Variants in RORA observed in about 807,000 individuals in gnomAD.
The protein encoded by RORA is nuclear receptor ROR-alpha.
RORA carries 7 observed loss-of-function variants against 69.5 expected under a neutral mutation model. The observed-to-expected ratio is 0.10, with a 90% CI of 0.06 to 0.19. The LOEUF is 0.19. RORA is among the 10% of genes least tolerant of loss of function. The probability of loss-of-function intolerance (pLI) is 1.00; values close to 1 mark genes in which losing one functional copy is unlikely to be tolerated. For synonymous variants in RORA, 261 were observed against 240.8 expected (o/e 1.08, Z -0.78); for missense variants, 457 against 663.0 (o/e 0.69, Z 3.41).
chr15:61,101,019 T>A (rs2078870868), intron 1 of RORA, among the ~76,000 whole-genome samples: 1 of 152,250 alleles, frequency 6.6e-6, no homozygotes, highest in South Asian at 2.1e-4. Flanking sequence ...AGATAGATAA[T>A]GTGCCTTAGC....
chr15:60,616,731 G>A (rs35778764), intron 2 of RORA, among the ~76,000 whole-genome samples: 21,501 of 152,180 alleles, frequency 0.14, 1,850 homozygotes, highest in African/African-American at 0.24. Flanking sequence ...AATCTTGTGC[G>A]TTGCACAAAT....
intron 1 of RORA, among the ~76,000 whole-genome samples, chr15:60,711,759 A>G (rs1284698539): frequency 6.6e-6 from 1 of 152,154 alleles, no homozygotes; most frequent in Non-Finnish European, 1.5e-5. Context: ...GGGGAAGATG[A>G]TTTAACCTTT....
intron 1 of RORA, among the ~76,000 whole-genome samples, chr15:60,702,432 G>T (rs1427904584): frequency 6.6e-6 from 1 of 151,810 alleles, no homozygotes; most frequent in Non-Finnish European, 1.5e-5. Flanking sequence ...GGGTTTTGCC[G>T]TGTTGGCCAG....
chr15:60,969,293 G>C (rs1241408669), intron 1 of RORA, among the ~76,000 whole-genome samples: 1 of 152,122 alleles, frequency 6.6e-6, no homozygotes, highest in Non-Finnish European at 1.5e-5. Flanking sequence ...AATTCATTAG[G>C]TAATAATCTG....
intron 1 of RORA, among the ~76,000 whole-genome samples, chr15:61,149,265 T>A (rs1035637660): frequency 1.3e-5 from 2 of 152,158 alleles, no homozygotes; most frequent in African/African-American, 4.8e-5. Flanking sequence ...GGAGTTCCCA[T>A]CAGAGAGTCT....
At chr15:60,972,050 A>G (rs558435683) in intron 1 of RORA, among the ~76,000 whole-genome samples, 1 of 152,242 alleles carries the variant, frequency 6.6e-6, no homozygotes, top group Non-Finnish European at 1.5e-5. Flanking sequence ...CTCTGCCTTC[A>G]TCTGTTGTAC....
At chr15:60,956,277 T>C (rs949085353) in intron 1 of RORA, among the ~76,000 whole-genome samples, 22 of 152,226 alleles carry the variant, frequency 1.4e-4, no homozygotes, top group Admixed American at 9.2e-4. Flanking sequence ...ATTTGTATAA[T>C]GCTTTATAGT....
At chr15:61,006,847 T>A (rs1210955341) in intron 1 of RORA, among the ~76,000 whole-genome samples, 6 of 152,140 alleles carry the variant, frequency 3.9e-5, no homozygotes, top group Admixed American at 3.9e-4. Context: ...CTTATTTCTA[T>A]CTCTATTACA....
chr15:60,561,943 T>A lies in RORA; in HGVS notation c.197-30092A>T, dbSNP rs569095515. On this transcript the variant is annotated intron_variant, in intron 2 of 10. Coordinates refer to ENST00000335670, the MANE Select transcript of RORA (RefSeq NM_134261.3). ...CTTATGGGTTTAACAAAAAAAAAAA[T>A]TTTTTTTCTTTTTTTTTGAGACGGA... is the stretch of plus-strand genomic sequence containing the variant. Among the ~76,000 whole-genome samples, 938 of 151,308 alleles carry A rather than the reference T, an allele frequency of 6.2e-3. 12 individuals carry two copies. The highest frequency in any genetic ancestry group is 0.03 in the South Asian group (142 of 4,748).
In RORA at chr15:60,511,125, T is replaced by A; in HGVS notation, c.820+101A>T. 1 of 1,297,912 alleles carries A rather than the reference T, an allele frequency of 7.7e-7. No individual in the cohort carries two copies. Among genetic ancestry groups the A allele is most frequent in the Non-Finnish European group, 1.1e-6 (1 of 941,252 alleles). 80.4% of individuals were successfully genotyped at this position (1,297,912 alleles called of 1,614,324 possible). ...AAGTGGCCCAAATGGTAAAGGTGAATTGCATCATTTAGCAGAACTCATTAG... is the reference window on the plus strand; with the variant it reads ...AAGTGGCCCAAATGGTAAAGGTGAAATGCATCATTTAGCAGAACTCATTAG... On this transcript the variant is annotated intron_variant, in intron 5 of 10. Coordinates refer to ENST00000335670, the MANE Select transcript of RORA (RefSeq NM_134261.3). The surrounding 1 kb of genome is among the most constrained non-coding windows in gnomAD (Gnocchi z 6.4).
chr15:60,668,180 T>A (rs186419445), intron 2 of RORA, among the ~76,000 whole-genome samples: 15 of 152,262 alleles, frequency 9.9e-5, no homozygotes, highest in African/African-American at 3.6e-4. Flanking sequence ...TCCACGTAGA[T>A]CAGTTCGATT....
At chr15:61,024,266 A>ATT (rs1895684980) in intron 1 of RORA, among the ~76,000 whole-genome samples, 3 of 109,780 alleles carry the variant, frequency 2.7e-5, no homozygotes, top group Non-Finnish European at 3.9e-5. Flanking sequence ...ACTTTCTTGG[A>ATT]TCTCTTTTTT....
intron 5 of RORA, among the ~76,000 whole-genome samples, chr15:60,505,937 A>G (rs2065486477): frequency 6.6e-6 from 1 of 152,250 alleles, no homozygotes; most frequent in Admixed American, 6.5e-5. Context: ...AGATAGACAT[A>G]GGAAATGATT....
intron 1 of RORA, among the ~76,000 whole-genome samples, chr15:61,086,297 T>C (rs993521053): frequency 6.6e-6 from 1 of 152,222 alleles, no homozygotes; most frequent in South Asian, 2.1e-4. Flanking sequence ...TGGGATTATG[T>C]CTGAGAAGGA....
At chr15:60,749,715 C>T (rs1002656977) in intron 1 of RORA, among the ~76,000 whole-genome samples, 2 of 152,074 alleles carry the variant, frequency 1.3e-5, no homozygotes, top group African/African-American at 4.8e-5. Context: ...ATCTAAATAA[C>T]AAAAACAATA....
At chr15:60,705,279 C>A (rs2071045620) in intron 1 of RORA, among the ~76,000 whole-genome samples, 1 of 152,126 alleles carries the variant, frequency 6.6e-6, no homozygotes, top group South Asian at 2.1e-4. Context: ...AATTTTTACA[C>A]AATGTGGAAA....
intron 1 of RORA, among the ~76,000 whole-genome samples, chr15:61,228,052 A>C (rs1360145833): frequency 7.1e-6 from 1 of 140,790 alleles, no homozygotes; most frequent in Non-Finnish European, 1.5e-5. Flanking sequence ...GACACAGACC[A>C]AACACCAAAA....
intron 1 of RORA, among the ~76,000 whole-genome samples, chr15:61,204,776 C>T (rs773420033): frequency 6.6e-5 from 10 of 152,166 alleles, no homozygotes; most frequent in South Asian, 2.1e-4. Flanking sequence ...AAAAAGTATG[C>T]GCAAGAGAGA....
At chr15:60,636,577 G>A (rs1426589038) in intron 2 of RORA, among the ~76,000 whole-genome samples, 1 of 152,068 alleles carries the variant, frequency 6.6e-6, no homozygotes, top group East Asian at 1.9e-4. Context: ...GATTTCTGAA[G>A]GAAAAGGATG....
Sources: allele counts gnomAD v4.1 joint callset (sites outside exome capture counted in the v4.1 genomes callset), GRCh38; gene constraint gnomAD v4.1.1; non-coding constraint Gnocchi (gnomAD v3.1); transcripts MANE v1.5; gene names NCBI Gene and HGNC (gene_info 2026-07-23, HGNC 2026-07-21).